UBE3D: variants seen among roughly 807,000 people sequenced by gnomAD.
UBE3D encodes the protein ubiquitin protein ligase E3D, also known as E3 ubiquitin-protein ligase E3D.
In UBE3D, 48 loss-of-function variants were observed where a neutral mutation model predicts 49.6. That is an observed-to-expected ratio of 0.97 (90% confidence interval 0.77 to 1.23). The LOEUF (loss-of-function observed/expected upper bound fraction) is 1.23. Ranked by LOEUF, UBE3D falls within the 50% of genes most tolerant of loss-of-function variation. UBE3D has a pLI of 0.00. For synonymous variants in UBE3D, 189 were observed against 174.2 expected, an observed-to-expected ratio of 1.08 and a Z score of -0.67; for missense variants, 452 against 468.4, an observed-to-expected ratio of 0.96 and a Z score of 0.32.
At chr6:82,929,238 G>T (rs1466759680) in intron 9 of UBE3D, among the ~76,000 whole-genome samples, 1 of 150,804 alleles carries the variant, frequency 6.6e-6, no homozygotes, top group African/African-American at 2.4e-5. Flanking sequence ...ATAACTGTGG[G>T]CCCTAATCAC....
intron 8 of UBE3D, among the ~76,000 whole-genome samples, chr6:83,012,130 C>G (rs1401211478): frequency 6.6e-6 from 1 of 152,096 alleles, no homozygotes; most frequent in African/African-American, 2.4e-5. Context: ...AAGTGAGTGC[C>G]TTGGTCAGAG....
Position 82,952,465 on chromosome 6 carries a change from C to A in UBE3D, c.1149+4847G>T, listed in dbSNP as rs187113798. 7.9e-5 allele frequency among the ~76,000 whole-genome samples: 12 copies of A among 151,918 alleles called. No individual in the cohort carries two copies. The East Asian group carries it at 2.3e-3, about 29-fold the overall frequency. ...TTTTTGAGATAGGGTCTCACTCTCACCCAAGCTGCAGTGCAGTGGCACAAT... is the reference window on the plus strand; with the variant it reads ...TTTTTGAGATAGGGTCTCACTCTCAACCAAGCTGCAGTGCAGTGGCACAAT... On this transcript the variant is annotated intron_variant, in intron 9 of 9. Transcript: ENST00000369747.
intron 5 of UBE3D, among the ~76,000 whole-genome samples, chr6:83,024,908 G>A (rs1226913132): frequency 6.6e-6 from 1 of 152,146 alleles, no homozygotes; most frequent in East Asian, 1.9e-4. Context: ...AAGGGGTCCT[G>A]GGCCTACAAA....
At chr6:83,002,544 G>T (rs1164853352) in intron 8 of UBE3D, among the ~76,000 whole-genome samples, 1 of 152,198 alleles carries the variant, frequency 6.6e-6, no homozygotes, top group Non-Finnish European at 1.5e-5. Context: ...AATTAGCTGG[G>T]CGTGGTAGCG....
the UBE3D span, among the ~76,000 whole-genome samples, chr6:82,885,798 A>G: frequency 2.6e-5 from 4 of 152,228 alleles, no homozygotes; most frequent in African/African-American, 4.8e-5. Flanking sequence ...TCTTATTCAC[A>G]GTCCAATCTC....
chr6:82,924,418 T>C (rs1773594345), intron 9 of UBE3D, among the ~76,000 whole-genome samples: 1 of 152,182 alleles, frequency 6.6e-6, no homozygotes, highest in Non-Finnish European at 1.5e-5. Flanking sequence ...GAATCTTTAC[T>C]ACAGAACAAT....
intron 1 of UBE3D, among the ~76,000 whole-genome samples, chr6:83,058,247 G>A (rs1783942628): frequency 6.6e-6 from 1 of 152,098 alleles, no homozygotes; most frequent in South Asian, 2.1e-4. Flanking sequence ...CAAGTCCTGG[G>A]ACAGATTTTT....
At chr6:82,901,408 T>C (rs895047768) in intron 9 of UBE3D, among the ~76,000 whole-genome samples, 1 of 152,186 alleles carries the variant, frequency 6.6e-6, no homozygotes, top group Non-Finnish European at 1.5e-5. Flanking sequence ...GGATCAGCAT[T>C]GCTGGCCTCA....
At chr6:83,040,464 G>A (rs181464345) in intron 4 of UBE3D, among the ~76,000 whole-genome samples, 1 of 151,512 alleles carries the variant, frequency 6.6e-6, no homozygotes, top group Admixed American at 6.6e-5. Flanking sequence ...TTCATACTGG[G>A]GTCTTTCTCT....
At chr6:83,062,267 A>G (rs1290233676) in intron 1 of UBE3D, among the ~76,000 whole-genome samples, 1 of 152,208 alleles carries the variant, frequency 6.6e-6, no homozygotes, top group East Asian at 1.9e-4. Flanking sequence ...ATGAATGGCC[A>G]AAGTTTATCC....
chr6:83,039,887 A>C (rs1001363938), intron 4 of UBE3D, among the ~76,000 whole-genome samples: 1 of 151,898 alleles, frequency 6.6e-6, no homozygotes, highest in African/African-American at 2.4e-5. Context: ...TGATCCACCC[A>C]CCTTGGCCTC....
chr6:83,062,086 TG>T (rs1784208631), intron 1 of UBE3D, among the ~76,000 whole-genome samples: 2 of 152,280 alleles, frequency 1.3e-5, no homozygotes, highest in South Asian at 4.1e-4. Context: ...ATATTTATTT[TG>T]TATATTCTCT....
intron 8 of UBE3D, among the ~76,000 whole-genome samples, chr6:82,976,859 A>C (rs1014976731): frequency 2.6e-5 from 4 of 152,154 alleles, no homozygotes; most frequent in African/African-American, 7.2e-5. Context: ...TCACGCCTGT[A>C]ATCCCAGCAC....
chr6:83,038,565 G>A, intron 4 of UBE3D, 80 bp from the exon 5 acceptor site: 1 of 1,219,054 alleles, frequency 8.2e-7, no homozygotes, highest in South Asian at 1.3e-5. Context: ...AGTCCCCAGA[G>A]TATACATTGA....
chr6:83,018,800 T>G, intron 8 of UBE3D, 173 bp downstream of exon 8: 1 of 706,238 alleles, frequency 1.4e-6, no homozygotes, highest in Non-Finnish European at 2.2e-6. Flanking sequence ...TTAACATGAA[T>G]CATCTGTAAT....
intron 3 of UBE3D, among the ~76,000 whole-genome samples, chr6:83,050,427 G>A (rs1447246634): frequency 6.6e-6 from 1 of 152,134 alleles, no homozygotes; most frequent in Non-Finnish European, 1.5e-5. Flanking sequence ...TGGACCCCAG[G>A]AAATTAATGT....
intron 5 of UBE3D, among the ~76,000 whole-genome samples, chr6:83,029,295 TGTTTTA>T (rs1242397345): frequency 1.3e-5 from 2 of 152,214 alleles, no homozygotes; most frequent in East Asian, 3.8e-4. Flanking sequence ...CTGTTCATTT[TGTTTTA>T]GACTTTTTTT....
At chr6:82,955,030 A>G (rs2127771208) in intron 9 of UBE3D, among the ~76,000 whole-genome samples, 1 of 152,332 alleles carries the variant, frequency 6.6e-6, no homozygotes, top group East Asian at 1.9e-4. Context: ...ACAATCACCA[A>G]TAGAAAAGGG....
At chr6:83,053,523 A>G (rs1582758077) in intron 3 of UBE3D, among the ~76,000 whole-genome samples, 1 of 152,338 alleles carries the variant, frequency 6.6e-6, no homozygotes, top group East Asian at 1.9e-4. Context: ...GGGACAAAAG[A>G]AAAAGAAATT....
Sources: gnomAD v4.1 joint callset for allele counts (sites outside exome capture counted in the v4.1 genomes callset) on GRCh38, gnomAD v4.1.1 for gene constraint, MANE v1.5 for transcripts, NCBI Gene and HGNC (gene_info 2026-07-23, HGNC 2026-07-21) for gene names.